Variants in SFMBT2 observed in about 807,000 individuals in gnomAD.
The protein encoded by SFMBT2 is scm-like with four MBT domains protein 2.
SFMBT2 carries 38 observed loss-of-function variants against 110.1 expected under a neutral mutation model. The ratio of observed to expected loss-of-function variants is 0.35; its 90% CI spans 0.27 to 0.45. SFMBT2 has a LOEUF of 0.45. Among genes scored for constraint, SFMBT2 ranks in the 20% least tolerant of loss-of-function variants. The pLI, the probability that SFMBT2 is intolerant of heterozygous loss-of-function variation, is 1.00. For missense variants in SFMBT2, 1,011 were observed against 1,094.9 expected, an observed-to-expected ratio of 0.92 and a Z score of 1.08; for synonymous variants, 425 against 425.4, an observed-to-expected ratio of 1.00 and a Z score of 0.01.
At chr10:7,328,388 T>C (rs1294109898) in intron 4 of SFMBT2, among the ~76,000 whole-genome samples, 1 of 152,250 alleles carries the variant, frequency 6.6e-6, no homozygotes, top group Non-Finnish European at 1.5e-5. Context: ...AGGTATGTGA[T>C]TTGAAAATAT....
chr10:7,319,174 C>A (rs749763992), intron 4 of SFMBT2, among the ~76,000 whole-genome samples: 4 of 152,192 alleles, frequency 2.6e-5, no homozygotes, highest in Non-Finnish European at 5.9e-5. Context: ...AAACAAAAAA[C>A]GTAAGTCCGC....
chr10:7,255,862 C>A (rs1343726920), intron 7 of SFMBT2, among the ~76,000 whole-genome samples: 1 of 152,226 alleles, frequency 6.6e-6, no homozygotes, highest in Non-Finnish European at 1.5e-5. Context: ...TGAGGGCCAA[C>A]AAGATGCTCA....
At chr10:7,323,348 G>A (rs2131939343) in intron 4 of SFMBT2, among the ~76,000 whole-genome samples, 1 of 151,414 alleles carries the variant, frequency 6.6e-6, no homozygotes, top group East Asian at 1.9e-4. Flanking sequence ...CTAATGGGGA[G>A]GCTGAGACAG....
At chr10:7,314,895 G>A (rs1334626068) in intron 4 of SFMBT2, among the ~76,000 whole-genome samples, 3 of 150,956 alleles carry the variant, frequency 2.0e-5, no homozygotes, top group East Asian at 3.9e-4. Flanking sequence ...GCAACAGAGT[G>A]AGAAAGAGAG....
chr10:7,171,116 C>T lies in SFMBT2; in HGVS notation c.2416-60G>A. ...CACAGTCAGCTGGCTGGGTCCTCTCCAGCACTCTCCAGGCCTCGGCCGTTC... is the reference window on the plus strand; with the variant it reads ...CACAGTCAGCTGGCTGGGTCCTCTCTAGCACTCTCCAGGCCTCGGCCGTTC... On this transcript the variant is annotated intron_variant, in intron 19 of 20. Coordinates refer to ENST00000397167, the MANE Select transcript of SFMBT2 (RefSeq NM_001387889.1). The surrounding 1 kb of genome is among the most constrained non-coding windows in gnomAD (Gnocchi z 4.9). 1.9e-6 allele frequency: 3 copies of T among 1,610,878 alleles called. No individual in the cohort carries two copies. The highest frequency in any genetic ancestry group is 2.5e-6 in the Non-Finnish European group (3 of 1,179,014).
intron 1 of SFMBT2, among the ~76,000 whole-genome samples, chr10:7,400,991 G>A (rs1430475679): frequency 1.3e-5 from 2 of 152,150 alleles, no homozygotes; most frequent in African/African-American, 4.8e-5. Context: ...AAATTAGCCA[G>A]GCATGGTGGC....
intron 4 of SFMBT2, among the ~76,000 whole-genome samples, chr10:7,361,842 T>C (rs1313630233): frequency 6.6e-6 from 1 of 152,172 alleles, no homozygotes; most frequent in Non-Finnish European, 1.5e-5. Context: ...CACACATACT[T>C]ACCTGCAATC....
chr10:7,206,961 C>G (rs1168742403), intron 11 of SFMBT2: 1 of 984,508 alleles, frequency 1.0e-6, no homozygotes, highest in African/African-American at 1.7e-5. Context: ...TGTGGTGGCT[C>G]ATGACTGTAA....
chr10:7,349,435 CTTTTCTTTTTTTTTTTTTTTTT>C (rs1204408679), intron 4 of SFMBT2, among the ~76,000 whole-genome samples: 1 of 24,874 alleles, frequency 4.0e-5, no homozygotes, highest in African/African-American at 1.3e-4. Flanking sequence ...TTTTTCTTTT[CTTTTCTTTTTTTTTTTTTTTTT>C]TTTTTTTTTG....
intron 4 of SFMBT2, among the ~76,000 whole-genome samples, chr10:7,303,666 TAA>T (rs1228178490): frequency 2.0e-5 from 3 of 152,172 alleles, no homozygotes; most frequent in Non-Finnish European, 4.4e-5. Context: ...CCCAATAAAA[TAA>T]ATTACTGAGA....
At chr10:7,202,668 C>G in intron 12 of SFMBT2, 146 bp from the exon 13 acceptor site, 1 of 1,522,826 alleles carries the variant, frequency 6.6e-7, no homozygotes, top group Non-Finnish European at 8.8e-7. Context: ...GCCACAATTT[C>G]CTATCAGTTT....
intron 4 of SFMBT2, among the ~76,000 whole-genome samples, chr10:7,315,620 G>A (rs1177395104): frequency 6.6e-6 from 1 of 152,154 alleles, no homozygotes; most frequent in Non-Finnish European, 1.5e-5. Context: ...CATCATCACA[G>A]GAGCCAACTC....
intron 8 of SFMBT2, among the ~76,000 whole-genome samples, chr10:7,248,340 G>A (rs1840684510): frequency 6.6e-6 from 1 of 152,206 alleles, no homozygotes; most frequent in Non-Finnish European, 1.5e-5. Context: ...ATGATAAGAG[G>A]GGGCATCTGA....
intron 11 of SFMBT2, among the ~76,000 whole-genome samples, chr10:7,220,090 T>C (rs569894936): frequency 1.3e-5 from 2 of 152,268 alleles, no homozygotes; most frequent in Non-Finnish European, 2.9e-5. Flanking sequence ...AACCGAGACC[T>C]GGAATCTCAG....
At chr10:7,316,785 T>C (rs1843026458) in intron 4 of SFMBT2, among the ~76,000 whole-genome samples, 1 of 152,102 alleles carries the variant, frequency 6.6e-6, no homozygotes, top group African/African-American at 2.4e-5. Flanking sequence ...TCAACTCCTC[T>C]GAAAAAGATC....
At chr10:7,221,157 C>T (rs1839721005) in intron 10 of SFMBT2, among the ~76,000 whole-genome samples, 1 of 152,098 alleles carries the variant, frequency 6.6e-6, no homozygotes, top group South Asian at 2.1e-4. Context: ...CACTGAAGTA[C>T]ACACCATTTC....
chr10:7,362,321 G>A (rs939537597), intron 4 of SFMBT2, among the ~76,000 whole-genome samples: 5 of 152,148 alleles, frequency 3.3e-5, no homozygotes, highest in Non-Finnish European at 1.5e-5. Flanking sequence ...ACATCTCCTG[G>A]AGCTGCCGCC....
At chr10:7,269,715 C>CGT (rs35063251) in intron 7 of SFMBT2, among the ~76,000 whole-genome samples, 5,133 of 38,374 alleles carry the variant, frequency 0.13, 89 homozygotes, top group Admixed American at 0.26. Context: ...TAAGTGTGTG[C>CGT]GTGTGTGTGT....
Position 7,354,746 on chromosome 10 carries a change from T to TAC in SFMBT2, c.436+12902_436+12903insGT, listed in dbSNP as rs1471788653. Reference sequence around the variant, plus strand: ...CAAGTTATTAATCAAGCAAACAGGCTTTTAAGTAAAGTATGCCCTGTCCTC... The same window carrying TAC: ...CAAGTTATTAATCAAGCAAACAGGCTACTTTAAGTAAAGTATGCCCTGTCCTC... On this transcript the variant is annotated intron_variant, in intron 4 of 20. Coordinates refer to ENST00000397167, the MANE Select transcript of SFMBT2 (RefSeq NM_001387889.1). Among the ~76,000 whole-genome samples the TAC allele has an allele frequency of 2.7e-3, 409 of 152,350 alleles. 2 individuals are homozygous for TAC. The highest frequency in any genetic ancestry group is 9.5e-3 in the African/African-American group (394 of 41,582).
Sources: allele counts gnomAD v4.1 joint callset (sites outside exome capture counted in the v4.1 genomes callset), GRCh38; gene constraint gnomAD v4.1.1; non-coding constraint Gnocchi (gnomAD v3.1); transcripts MANE v1.5; gene names NCBI Gene and HGNC (gene_info 2026-07-23, HGNC 2026-07-21).